ART3: variants seen among roughly 807,000 people sequenced by gnomAD.
ART3 encodes ADP-ribosyltransferase 3 (inactive), also known as ecto-ADP-ribosyltransferase 3.
In ART3, 49 loss-of-function variants were observed where a neutral mutation model predicts 48.5. That is an observed-to-expected ratio of 1.01 (90% CI 0.80 to 1.28). The LOEUF (loss-of-function observed/expected upper bound fraction) is 1.28, where lower values mean the gene tolerates loss of function less well. Among genes scored for constraint, ART3 ranks in the 50% most tolerant of loss-of-function variants. The probability of loss-of-function intolerance (pLI) is 0.00; values close to 1 mark genes in which losing one functional copy is unlikely to be tolerated. For missense variants in ART3, 438 were observed against 454.3 expected, an observed-to-expected ratio of 0.96 and a Z score of 0.33; for synonymous variants, 145 against 157.2, an observed-to-expected ratio of 0.92 and a Z score of 0.58.
At chr4:76,045,051 C>T (rs1418689525) in intron 1 of ART3, among the ~76,000 whole-genome samples, 1 of 152,106 alleles carries the variant, frequency 6.6e-6, no homozygotes, top group Non-Finnish European at 1.5e-5. Flanking sequence ...CGGGTAAGTG[C>T]CACTAGTTCT....
chr4:76,110,431 C>T (rs114010335), intron 11 of ART3, among the ~76,000 whole-genome samples: 2,112 of 152,222 alleles, frequency 0.014, 20 homozygotes, highest in South Asian at 0.034. Context: ...TTGGTATCCT[C>T]AGGGGTTCTA....
chr4:76,091,009 A>G (rs1724764798), intron 3 of ART3, among the ~76,000 whole-genome samples: 1 of 152,154 alleles, frequency 6.6e-6, no homozygotes, highest in Admixed American at 6.5e-5. Context: ...ATCATACAGT[A>G]TATTCTCTTT....
At chr4:76,035,355 A>G (rs1734283493) in intron 1 of ART3, 1 of 1,612,980 alleles carries the variant, frequency 6.2e-7, no homozygotes, top group Non-Finnish European at 8.5e-7. Context: ...AGAATAGATC[A>G]TAGCATTAGT....
At chr4:76,108,567 AAC>A (rs1491396662) in intron 11 of ART3, among the ~76,000 whole-genome samples, 1 of 151,264 alleles carries the variant, frequency 6.6e-6, no homozygotes, top group Non-Finnish European at 1.5e-5. Flanking sequence ...TAAAAAAAAA[AAC>A]AAAAAACTCT....
At chr4:76,102,909 A>G (rs1727657693) in intron 8 of ART3, among the ~76,000 whole-genome samples, 1 of 152,116 alleles carries the variant, frequency 6.6e-6, no homozygotes, top group South Asian at 2.1e-4. Flanking sequence ...AAAAACGAAC[A>G]AGAGGTGCTT....
At chr4:76,075,500 T>C (rs1720851780) in intron 1 of ART3, among the ~76,000 whole-genome samples, 1 of 152,152 alleles carries the variant, frequency 6.6e-6, no homozygotes. Context: ...AATTTGAGAC[T>C]GCTGTTTTTT....
chr4:76,107,934 C>T (rs192767931), intron 11 of ART3, 141 bp downstream of exon 11: 1 of 619,044 alleles, frequency 1.6e-6, no homozygotes, highest in Non-Finnish European at 2.7e-6. Context: ...ATGTCATATC[C>T]AAAAGCTTGT....
intron 3 of ART3, among the ~76,000 whole-genome samples, chr4:76,091,727 G>A (rs1013174783): frequency 1.4e-5 from 2 of 146,502 alleles, no homozygotes; most frequent in African/African-American, 5.1e-5. Flanking sequence ...TGTCACCCAG[G>A]CTGGAGTACA....
chr4:76,081,019 G>A (rs565519197), intron 2 of ART3, among the ~76,000 whole-genome samples: 1 of 152,290 alleles, frequency 6.6e-6, no homozygotes, highest in East Asian at 1.9e-4. Context: ...CTCTTCAGTT[G>A]TATGTGACTG....
intron 3 of ART3, among the ~76,000 whole-genome samples, chr4:76,087,917 A>C (rs993708020): frequency 6.6e-6 from 1 of 152,226 alleles, no homozygotes; most frequent in Non-Finnish European, 1.5e-5. Context: ...ATCAAGCTAC[A>C]TCCATTATCA....
At chr4:76,030,443 C>A (rs1733776011) in intron 1 of ART3, among the ~76,000 whole-genome samples, 1 of 152,320 alleles carries the variant, frequency 6.6e-6, no homozygotes, top group African/African-American at 2.4e-5. Flanking sequence ...CTTACCAATA[C>A]CACCTTAGTG....
In ART3 at chr4:76,093,842, T is replaced by A. The variant is rs191100412; in HGVS notation, c.782-3802T>A. 9.8e-5 allele frequency among the ~76,000 whole-genome samples: 15 copies of A among 152,372 alleles called. No homozygotes were observed. In the East Asian group the frequency reaches 2.9e-3, roughly 29 times the overall value. On this transcript the variant is annotated intron_variant, in intron 3 of 11. Transcript: ENST00000355810. ...GGTCTTTTTATATTTTCCACGTCTC[T>A]ACTTAACACCTGTTAGTAGTAATGA...
chr4:76,022,015 T>A (rs1732873087), intron 1 of ART3: 1 of 1,398,558 alleles, frequency 7.2e-7, no homozygotes, highest in Non-Finnish European at 1.0e-6. Context: ...GGGTTGTGTT[T>A]GGAAAGTACC....
At chr4:76,025,627 G>C (rs1249616329) in intron 1 of ART3, among the ~76,000 whole-genome samples, 1 of 152,008 alleles carries the variant, frequency 6.6e-6, no homozygotes, top group African/African-American at 2.4e-5. Flanking sequence ...GCCTGTTCTA[G>C]AACTTCATAT....
intron 2 of ART3, 21 bp downstream of exon 2, chr4:76,075,979 C>A: frequency 6.5e-7 from 1 of 1,533,498 alleles, no homozygotes; most frequent in Non-Finnish European, 8.9e-7. Context: ...GAATGGGAAG[C>A]ATGTGGTCAT....
At chr4:76,072,140 C>G (rs1318977976), upstream of ART3, among the ~76,000 whole-genome samples, 1 of 152,172 alleles carries the variant, frequency 6.6e-6, no homozygotes, top group African/African-American at 2.4e-5. Context: ...GCTAGGACTC[C>G]TGGCTTCAAG....
Position 76,082,498 on chromosome 4 carries a change from C to T in ART3, c.744C>T (p.Asn248=), listed in dbSNP as rs201542707. 6 of 1,604,190 alleles carry T rather than the reference C, an allele frequency of 3.7e-6. No individual in the cohort carries two copies. Among genetic ancestry groups the T allele is most frequent in the Non-Finnish European group, 4.3e-6 (5 of 1,175,450 alleles). The part of the protein sequence containing the change: ...AGNNLILQSI[N]KTCSHYECAF... ...ATAACCTTATCCTTCAAAGCATAAA[C>T]AAGACCTGCAGCCATTATGAGTGTG... Residue 248 remains asparagine, a synonymous_variant, in exon 3 of 12, where the codon AAC becomes AAT. Transcript: ENST00000355810.
intron 1 of ART3, among the ~76,000 whole-genome samples, chr4:76,040,446 A>ACACG (rs150596672): frequency 2.1e-4 from 29 of 138,492 alleles, no homozygotes; most frequent in Non-Finnish European, 2.7e-4. Context: ...ATACACACAC[A>ACACG]CACACACACA....
At chr4:76,015,285 G>A (rs774409048) in intron 1 of ART3, among the ~76,000 whole-genome samples, 1 of 152,192 alleles carries the variant, frequency 6.6e-6, no homozygotes, top group Non-Finnish European at 1.5e-5. Flanking sequence ...TGTCAAAGGG[G>A]AGGGATGCAG....
Sources: allele counts gnomAD v4.1 joint callset (sites outside exome capture counted in the v4.1 genomes callset), GRCh38; gene constraint gnomAD v4.1.1; transcripts MANE v1.5; gene names NCBI Gene and HGNC (gene_info 2026-07-23, HGNC 2026-07-21).